The following RADIL variants were observed in gnomAD, a reference collection of about 807,000 sequenced individuals.
RADIL encodes ras-associating and dilute domain-containing protein.
Under a neutral mutation model 97.6 loss-of-function variants are expected in RADIL, and 99 were observed. The ratio of observed to expected loss-of-function variants is 1.01; its 90% CI spans 0.86 to 1.20. The LOEUF (loss-of-function observed/expected upper bound fraction) is 1.20. RADIL is among the 50% of genes most tolerant of loss of function. RADIL has a pLI of 0.00. For synonymous variants in RADIL, 803 were observed against 691.8 expected, an observed-to-expected ratio of 1.16 and a Z score of -2.52; for missense variants, 1,765 against 1,498.9, an observed-to-expected ratio of 1.18 and a Z score of -2.93.
chr7:4,849,513 G>T lies in RADIL; in HGVS notation c.536-12908C>A, dbSNP rs1478644051. Among the ~76,000 whole-genome samples, 1 of 152,146 alleles carries T rather than the reference G, an allele frequency of 6.6e-6. No homozygotes were observed. The highest frequency in any genetic ancestry group is 2.4e-5 in the African/African-American group (1 of 41,442). ...GGCTGCAGCTGTGAGGCTACAGCTT[G>T]GTTTTTGTTGCCTGGGGCAAGGTTC... On this transcript the variant is annotated intron_variant, in intron 2 of 14. Coordinates refer to ENST00000399583, the MANE Select transcript of RADIL (RefSeq NM_018059.5). This position sits in a 1 kb window ranked among gnomAD's most constrained non-coding sequence, Gnocchi z 5.4.
Position 4,797,923 on chromosome 7 carries a change from G to A in RADIL, c.*1455C>T, listed in dbSNP as rs1781965290. ...TGGGAGGTGGAGGTTGCAGTGAGCTGAGATTGCACCACTGCACTCCAGCCT... is the reference window on the plus strand; with the variant it reads ...TGGGAGGTGGAGGTTGCAGTGAGCTAAGATTGCACCACTGCACTCCAGCCT... On this transcript the variant is annotated 3_prime_UTR_variant, in exon 15 of 15. Coordinates refer to ENST00000399583, the MANE Select transcript of RADIL (RefSeq NM_018059.5). 6.6e-6 allele frequency: 1 copy of A among 151,834 alleles called. No homozygotes were observed. Among genetic ancestry groups the A allele is most frequent in the Admixed American group, 6.6e-5 (1 of 15,250 alleles). 9.4% of individuals were successfully genotyped at this position (151,834 alleles called of 1,614,324 possible).
Position 4,815,208 on chromosome 7 carries a change from G to C in RADIL, c.2139+70C>G. 7.0e-7 allele frequency: 1 copy of C among 1,437,226 alleles called. No individual in the cohort carries two copies. Among genetic ancestry groups the C allele is most frequent in the Non-Finnish European group, 9.2e-7 (1 of 1,089,324 alleles). The allele number at this position is 1,437,226 out of a possible 1,614,324, so 89.0% of individuals were successfully genotyped here. A position where few individuals can be genotyped will look rare whatever the true frequency, so the allele number is the denominator to read the frequency against. On this transcript the variant is annotated intron_variant, in intron 9 of 14. Coordinates refer to ENST00000399583, the MANE Select transcript of RADIL (RefSeq NM_018059.5). The surrounding 1 kb of genome is among the most constrained non-coding windows in gnomAD (Gnocchi z 8.0). Reference sequence around the variant, plus strand: ...CCGTCCCGGCCCCCAGGCTTGGTTTGTGAGCCAGGGACCCACAGCATGTGG... The same window carrying C: ...CCGTCCCGGCCCCCAGGCTTGGTTTCTGAGCCAGGGACCCACAGCATGTGG...
In RADIL at chr7:4,835,287, G is replaced by T. The variant is rs1432090449; in HGVS notation, c.784-48C>A. ...GGCAGGCGTAACGCGAGCAGCACAC[G>T]GGAAAAGCGTCCCGTGTCTAGTCAC... is the stretch of plus-strand genomic sequence containing the variant. On this transcript the variant is annotated intron_variant, in intron 3 of 14. Coordinates refer to ENST00000399583, the MANE Select transcript of RADIL (RefSeq NM_018059.5). The surrounding 1 kb of genome is among the most constrained non-coding windows in gnomAD (Gnocchi z 5.8). 1.9e-6 allele frequency: 3 copies of T among 1,585,354 alleles called. No homozygotes were observed. The highest frequency in any genetic ancestry group is 3.4e-5 in the Admixed American group (2 of 58,148).
intron 10 of RADIL, 97 bp downstream of exon 10, chr7:4,805,469 A>AC: frequency 7.1e-7 from 1 of 1,399,050 alleles, no homozygotes; most frequent in Non-Finnish European, 9.5e-7. Flanking sequence ...GGTCCCCCAC[A>AC]CCCCACTTCA....
At position 4,849,492 on chromosome 7, in the gene RADIL, G is replaced by A. The variant is rs1196822441; in HGVS notation, c.536-12887C>T. 6.6e-6 allele frequency among the ~76,000 whole-genome samples: 1 copy of A among 152,192 alleles called. No individual in the cohort carries two copies. The highest frequency in any genetic ancestry group is 1.5e-5 in the Non-Finnish European group (1 of 68,030). On this transcript the variant is annotated intron_variant, in intron 2 of 14. Coordinates refer to ENST00000399583, the MANE Select transcript of RADIL (RefSeq NM_018059.5). The surrounding 1 kb of genome is among the most constrained non-coding windows in gnomAD (Gnocchi z 5.4). The stretch of plus-strand genomic sequence containing the variant: ...TATTCTGTGGAATGTCGGCCAGGCT[G>A]CAGCTGTGAGGCTACAGCTTGGTTT...
chr7:4,846,628 G>T (rs13227970), intron 2 of RADIL, among the ~76,000 whole-genome samples: 1 of 147,684 alleles, frequency 6.8e-6, no homozygotes, highest in Non-Finnish European at 1.5e-5. Context: ...TCACTGCAAC[G>T]TCCGCCTTCC....
intron 2 of RADIL, among the ~76,000 whole-genome samples, chr7:4,838,361 G>A (rs558091441): frequency 4.6e-5 from 7 of 152,230 alleles, no homozygotes; most frequent in Non-Finnish European, 7.3e-5. Flanking sequence ...GGGCCAGGTT[G>A]TAGGAGGTGA....
Position 4,835,517 on chromosome 7 carries a change from G to C in RADIL, c.784-278C>G, listed in dbSNP as rs1381217615. ...GACAGCGACAGGCCAGGTCAGGGCTGGCCGGGAAACAGGCACTGGTTCTAC... is the reference window on the plus strand; with the variant it reads ...GACAGCGACAGGCCAGGTCAGGGCTCGCCGGGAAACAGGCACTGGTTCTAC... On this transcript the variant is annotated intron_variant, in intron 3 of 14. Coordinates refer to ENST00000399583, the MANE Select transcript of RADIL (RefSeq NM_018059.5). The surrounding 1 kb of genome is among the most constrained non-coding windows in gnomAD (Gnocchi z 5.8). 8.5e-5 allele frequency among the ~76,000 whole-genome samples: 13 copies of C among 152,160 alleles called. 1 individual carries two copies. The highest frequency in any genetic ancestry group is 8.5e-4 in the Admixed American group (13 of 15,284).
chr7:4,875,363 A>C (rs569335154), intron 2 of RADIL, among the ~76,000 whole-genome samples: 2 of 152,028 alleles, frequency 1.3e-5, no homozygotes, highest in Non-Finnish European at 2.9e-5. Flanking sequence ...ATTGCACTCC[A>C]GCCTGGGCGA....
Position 4,815,961 on chromosome 7 carries a change from C to A in RADIL, c.1966+267G>T, listed in dbSNP as rs927036341. On this transcript the variant is annotated intron_variant, in intron 8 of 14. Coordinates refer to ENST00000399583, the MANE Select transcript of RADIL (RefSeq NM_018059.5). This position sits in a 1 kb window ranked among gnomAD's most constrained non-coding sequence, Gnocchi z 8.0. ...TCCAATGATGCCCTGAGCCCGTTCCCTCCCTGTCACGGGGAAGGGGTCCCA... is the reference window on the plus strand; with the variant it reads ...TCCAATGATGCCCTGAGCCCGTTCCATCCCTGTCACGGGGAAGGGGTCCCA... 2.6e-5 allele frequency among the ~76,000 whole-genome samples: 4 copies of A among 152,210 alleles called. No homozygotes were observed. The highest frequency in any genetic ancestry group is 4.8e-5 in the African/African-American group (2 of 41,446).
chr7:4,814,495 C>A lies in RADIL; in HGVS notation c.2139+783G>T, dbSNP rs115232818. Among the ~76,000 whole-genome samples, 1 of 150,710 alleles carries A rather than the reference C, an allele frequency of 6.6e-6. No homozygotes were observed. On this transcript the variant is annotated intron_variant, in intron 9 of 14. Coordinates refer to ENST00000399583, the MANE Select transcript of RADIL (RefSeq NM_018059.5). The surrounding 1 kb of genome is among the most constrained non-coding windows in gnomAD (Gnocchi z 4.5). ...TTTTCCAGGCAGGAGAGGAAACCAT[C>A]GGTCTATTTCCATTAATTACCTGTG... is the stretch of plus-strand genomic sequence containing the variant.
At chr7:4,823,353 A>G (rs781541393) in intron 5 of RADIL, among the ~76,000 whole-genome samples, 4 of 94,204 alleles carry the variant, frequency 4.2e-5, no homozygotes, top group Non-Finnish European at 8.2e-5. Flanking sequence ...TTTTTTTTTT[A>G]GAGACAGGGT....
At position 4,839,867 on chromosome 7, in the gene RADIL, C is replaced by G. The variant is rs577469081; in HGVS notation, c.536-3262G>C. On this transcript the variant is annotated intron_variant, in intron 2 of 14. Transcript: ENST00000399583. ...GTTCGAGTGATTTTCCTGCCTCAGC[C>G]TCCCAAGTAACTGAGATTACAGGCA... Among the ~76,000 whole-genome samples, 85 of 152,184 alleles carry G rather than the reference C, an allele frequency of 5.6e-4. 2 individuals carry two copies. The South Asian group carries it at 0.017, about 30-fold the overall frequency.
At position 4,879,820 on chromosome 7, in the gene RADIL, A is replaced by T. The variant is rs1363210564; in HGVS notation, c.-64-1617T>A. Reference sequence around the variant, plus strand: ...TGCGAACTGGCCTCTTTCTAATATCACCGGGGCGTGGGTCATCTTCTCTGG... The same window carrying T: ...TGCGAACTGGCCTCTTTCTAATATCTCCGGGGCGTGGGTCATCTTCTCTGG... On this transcript the variant is annotated intron_variant, in intron 1 of 14. Transcript: ENST00000399583. This position sits in a 1 kb window ranked among gnomAD's most constrained non-coding sequence, Gnocchi z 4.1. Among the ~76,000 whole-genome samples the T allele has an allele frequency of 6.6e-6, 1 of 151,890 alleles. No homozygotes were observed. The highest frequency in any genetic ancestry group is 1.9e-4 in the East Asian group (1 of 5,178).
At position 4,819,089 on chromosome 7, in the gene RADIL, A is replaced by T. The variant is rs1437358864; in HGVS notation, c.1616-1738T>A. ...CTCTCTCTCTTTTTTTTTTTTTTTT[A>T]AAGACAGAGTCTCACTCTGTCGCCC... is the stretch of plus-strand genomic sequence containing the variant. On this transcript the variant is annotated intron_variant, in intron 6 of 14. Transcript: ENST00000399583. This position sits in a 1 kb window ranked among gnomAD's most constrained non-coding sequence, Gnocchi z 5.8. Among the ~76,000 whole-genome samples, 5 of 132,068 alleles carry T rather than the reference A, an allele frequency of 3.8e-5. No individual in the cohort carries two copies. The highest frequency in any genetic ancestry group is 5.8e-5 in the African/African-American group (2 of 34,490). 86.6% of individuals were successfully genotyped at this position (132,068 alleles called of 152,430 possible).
chr7:4,847,739 C>CAAAAAAAAAAAAAAAAAAA lies in RADIL; in HGVS notation c.536-11153_536-11135dup, dbSNP rs56177809. On this transcript the variant is annotated intron_variant, in intron 2 of 14. Transcript: ENST00000399583. Reference sequence around the variant, plus strand: ...TATGCTACGTGAAAAAAGCTAGATGCAAAAAAAAAAAAAAAAAAAAAAAAA... The same window carrying CAAAAAAAAAAAAAAAAAAA: ...TATGCTACGTGAAAAAAGCTAGATGCAAAAAAAAAAAAAAAAAAAAAAAAAAAAAAAAAAAAAAAAAAAA... 2.5e-4 allele frequency among the ~76,000 whole-genome samples: 6 copies of CAAAAAAAAAAAAAAAAAAA among 23,806 alleles called. 1 individual carries two copies. Among genetic ancestry groups the CAAAAAAAAAAAAAAAAAAA allele is most frequent in the African/African-American group, 3.1e-4 (2 of 6,398 alleles). 15.6% of individuals were successfully genotyped at this position (23,806 alleles called of 152,430 possible).
chr7:4,854,740 GTTGT>G lies in RADIL; in HGVS notation c.536-18139_536-18136del, dbSNP rs1783787640. On this transcript the variant is annotated intron_variant, in intron 2 of 14. Coordinates refer to ENST00000399583, the MANE Select transcript of RADIL (RefSeq NM_018059.5). The surrounding 1 kb of genome is among the most constrained non-coding windows in gnomAD (Gnocchi z 5.1). ...ACAAAAAGATACCACTTTGGTATTG[GTTGT>G]TTAATTATATTTCACACATATGAAA... Among the ~76,000 whole-genome samples the G allele has an allele frequency of 2.6e-5, 4 of 152,154 alleles. No homozygotes were observed. Among genetic ancestry groups the G allele is most frequent in the African/African-American group, 7.2e-5 (3 of 41,434 alleles).
chr7:4,799,993 AG>A (rs1009144894), intron 13 of RADIL, among the ~76,000 whole-genome samples, 177 bp downstream of exon 13: 24 of 144,602 alleles, frequency 1.7e-4, no homozygotes, highest in Admixed American at 1.2e-3. Context: ...CAGCAGGCCC[AG>A]GGGGCGTGGC....
chr7:4,860,140 A>G (rs199672209), intron 2 of RADIL: 1,133 of 1,613,994 alleles, frequency 7.0e-4, no homozygotes, highest in Admixed American at 8.3e-4. Context: ...CCAAGGCAGG[A>G]CTGTTTCTAC....
Sources: gnomAD v4.1 joint callset for allele counts (sites outside exome capture counted in the v4.1 genomes callset) on GRCh38, gnomAD v4.1.1 for gene constraint, Gnocchi (gnomAD v3.1) non-coding constraint, MANE v1.5 for transcripts, NCBI Gene and HGNC (gene_info 2026-07-23, HGNC 2026-07-21) for gene names.